Variants in KDM4B observed in about 807,000 individuals in gnomAD.
The protein encoded by KDM4B is lysine demethylase 4B, also known as lysine-specific demethylase 4B.
KDM4B carries 32 observed loss-of-function variants against 125.2 expected under a neutral mutation model. That is an observed-to-expected ratio of 0.26 (90% CI 0.19 to 0.34). The LOEUF (loss-of-function observed/expected upper bound fraction) is 0.34. Ranked by LOEUF, KDM4B falls within the 10% of genes least tolerant of loss-of-function variation. The pLI is 1.00. For synonymous variants in KDM4B, 721 were observed against 677.9 expected, an observed-to-expected ratio of 1.06 and a Z score of -0.99; for missense variants, 1,190 against 1,577.7, an observed-to-expected ratio of 0.75 and a Z score of 4.16.
rs762534380 is a variant in KDM4B at position 5,077,358 on chromosome 19, C to T, written c.677-9C>T. The T allele has an allele frequency of 1.2e-5, 20 of 1,610,592 alleles. No individual in the cohort carries two copies. Among genetic ancestry groups the T allele is most frequent in the South Asian group, 8.8e-5 (8 of 91,030 alleles). The stretch of plus-strand genomic sequence containing the variant: ...CCCAGGAGACTGACGTCTGTCTTTT[C>T]GGCCCTAGGCTTCTTCCCCGGGAGC... On this transcript the variant is annotated splice_polypyrimidine_tract_variant and intron_variant, in intron 7 of 22. Transcript: ENST00000159111.
intron 15 of KDM4B, 109 bp downstream of exon 15, chr19:5,135,670 C>T (rs1010413685): frequency 1.1e-6 from 1 of 931,760 alleles, no homozygotes; most frequent in Non-Finnish European, 1.6e-6. Context: ...CGGCCCCTCT[C>T]CCCAGGCTGC....
intron 11 of KDM4B, among the ~76,000 whole-genome samples, chr19:5,121,664 G>T (rs1238416119): frequency 5.9e-5 from 9 of 152,104 alleles, no homozygotes; most frequent in Non-Finnish European, 1.0e-4. Context: ...AAAATTAAGA[G>T]ACTTTTTTTG....
intron 6 of KDM4B, among the ~76,000 whole-genome samples, chr19:5,064,473 G>A (rs2037705836): frequency 6.6e-6 from 1 of 151,988 alleles, no homozygotes; most frequent in African/African-American, 2.4e-5. Context: ...CGGGGGTGGG[G>A]GGTAGGGAGG....
rs996164854 is a variant in KDM4B, at chr19:4,969,145, G to T, written c.-194G>T. On this transcript the variant is annotated 5_prime_UTR_variant, in exon 1 of 23. Coordinates refer to ENST00000159111, the MANE Select transcript of KDM4B (RefSeq NM_015015.3). The stretch of plus-strand genomic sequence containing the variant: ...GGTCGCCAGCAACCGAGCGGGGCCC[G>T]GCCCGAGCGGGGCCTGGGGGTGCGA... The T allele has an allele frequency of 6.6e-6, 1 of 150,786 alleles. No individual in the cohort carries two copies. The allele number at this position is 150,786 out of a possible 1,614,324, so 9.3% of individuals were successfully genotyped here.
At chr19:5,048,346 G>A (rs2037099250) in intron 6 of KDM4B, among the ~76,000 whole-genome samples, 1 of 152,240 alleles carries the variant, frequency 6.6e-6, no homozygotes, top group Admixed American at 6.5e-5. Flanking sequence ...GTGAGTGTGA[G>A]TATGCATGCG....
At chr19:4,972,619 G>GGAA (rs2034299902) in intron 1 of KDM4B, among the ~76,000 whole-genome samples, 1 of 152,178 alleles carries the variant, frequency 6.6e-6, no homozygotes, top group Admixed American at 6.5e-5. Context: ...ATGTCCCCTG[G>GGAA]GAAGCACTGT....
intron 10 of KDM4B, among the ~76,000 whole-genome samples, chr19:5,118,266 G>A (rs1286110578): frequency 6.6e-6 from 1 of 152,244 alleles, no homozygotes; most frequent in Non-Finnish European, 1.5e-5. Context: ...CATGGGGACA[G>A]GGGACACGGG....
Position 5,035,453 on chromosome 19 carries a change from G to A in KDM4B, c.141+2422G>A, listed in dbSNP as rs73921833. On this transcript the variant is annotated intron_variant, in intron 3 of 22. Transcript: ENST00000159111. The surrounding 1 kb of genome is among the most constrained non-coding windows in gnomAD (Gnocchi z 5.3). Reference sequence around the variant, plus strand: ...TCCCTCACCTCCCACCGGGCTCCATGCCCCGGTGTTTCCGGCTCTCTCTGC... The same window carrying A: ...TCCCTCACCTCCCACCGGGCTCCATACCCCGGTGTTTCCGGCTCTCTCTGC... Among the ~76,000 whole-genome samples the A allele has an allele frequency of 3.2e-4, 48 of 152,166 alleles. No homozygotes were observed. Among genetic ancestry groups the A allele is most frequent in the African/African-American group, 1.1e-3 (47 of 41,514 alleles).
chr19:5,100,640 A>G (rs1160611443), intron 9 of KDM4B, among the ~76,000 whole-genome samples: 1 of 151,978 alleles, frequency 6.6e-6, no homozygotes, highest in African/African-American at 2.4e-5. Flanking sequence ...GCTAGTCTTG[A>G]ACTGACCTCA....
At chr19:5,133,275 G>T (rs1437674382) in intron 13 of KDM4B, among the ~76,000 whole-genome samples, 1 of 152,188 alleles carries the variant, frequency 6.6e-6, no homozygotes, top group Non-Finnish European at 1.5e-5. Context: ...TGCCTTCCGG[G>T]AGAGTGTCCC....
At chr19:5,024,944 G>A (rs190260049) in intron 2 of KDM4B, among the ~76,000 whole-genome samples, 4 of 152,322 alleles carry the variant, frequency 2.6e-5, no homozygotes, top group African/African-American at 4.8e-5. Context: ...GCGAGACTCC[G>A]TCTCAAAAAA....
intron 5 of KDM4B, among the ~76,000 whole-genome samples, chr19:5,044,781 G>A (rs2036971831): frequency 6.6e-6 from 1 of 151,698 alleles, no homozygotes. Context: ...TGCGCCCCAG[G>A]CAACCACTGA....
chr19:5,082,435 G>A lies in KDM4B; in HGVS notation c.849G>A (p.Gly283=), dbSNP rs371368588. ...GCTACCACGCCGGCTTCAATCACGG[G>A]TTCAACTGCGCAGAATCTACCAACT... The part of the protein sequence containing the change: ...PYGYHAGFNH[G]FNCAESTNFA... The change falls in exon 9 of 23, where the codon GGG becomes GGA. Residue 283 remains glycine, a synonymous_variant. Coordinates refer to ENST00000159111, the MANE Select transcript of KDM4B (RefSeq NM_015015.3). This position sits in a 1 kb window ranked among gnomAD's most constrained non-coding sequence, Gnocchi z 5.4. The A allele has an allele frequency of 3.8e-5, 61 of 1,613,480 alleles. No individual in the cohort carries two copies. The highest frequency in any genetic ancestry group is 1.5e-4 in the Admixed American group (9 of 59,978).
At chr19:5,110,025 G>C (rs768002120) in intron 9 of KDM4B, among the ~76,000 whole-genome samples, 21 of 152,214 alleles carry the variant, frequency 1.4e-4, no homozygotes, top group Middle Eastern at 3.2e-3. Context: ...AGCTGTGCGT[G>C]GGGCAGTGCC....
At chr19:5,119,967 C>A in intron 11 of KDM4B, 115 bp downstream of exon 11, 1 of 1,303,276 alleles carries the variant, frequency 7.7e-7, no homozygotes, top group Non-Finnish European at 1.0e-6. Flanking sequence ...GAATCTGATT[C>A]AGTGGCTTTC....
At chr19:5,003,859 C>G (rs1301853760) in intron 1 of KDM4B, among the ~76,000 whole-genome samples, 1 of 152,128 alleles carries the variant, frequency 6.6e-6, no homozygotes, top group South Asian at 2.1e-4. Context: ...CCCTCTGTCC[C>G]CCACACAGTC....
chr19:5,092,469 C>T (rs372064657), intron 9 of KDM4B, among the ~76,000 whole-genome samples: 21 of 152,216 alleles, frequency 1.4e-4, no homozygotes, highest in Non-Finnish European at 7.3e-5. Flanking sequence ...CTAATACCCC[C>T]GGTTCTGCTG....
Position 5,114,764 on chromosome 19 carries a change from G to A in KDM4B, c.1115+3946G>A, listed in dbSNP as rs2039222744. Among the ~76,000 whole-genome samples, 1 of 152,220 alleles carries A rather than the reference G, an allele frequency of 6.6e-6. No individual in the cohort carries two copies. The highest frequency in any genetic ancestry group is 1.5e-5 in the Non-Finnish European group (1 of 68,034). ...GCCCTGAGCCAGCGCGGCACTGAAT[G>A]CTGATGGTCCCACTCTGGGTGCTGC... On this transcript the variant is annotated intron_variant, in intron 10 of 22. Transcript: ENST00000159111. This position sits in a 1 kb window ranked among gnomAD's most constrained non-coding sequence, Gnocchi z 5.8.
At chr19:5,110,558 T>TG in intron 9 of KDM4B, 64 bp from the exon 10 acceptor site, 1 of 1,536,166 alleles carries the variant, frequency 6.5e-7, no homozygotes, top group African/African-American at 1.4e-5. Flanking sequence ...TGCTCTGGGG[T>TG]GGGGTGTGTG....
Sources: allele counts gnomAD v4.1 joint callset (sites outside exome capture counted in the v4.1 genomes callset), GRCh38; gene constraint gnomAD v4.1.1; non-coding constraint Gnocchi (gnomAD v3.1); transcripts MANE v1.5; gene names NCBI Gene and HGNC (gene_info 2026-07-23, HGNC 2026-07-21).